The following CDC42BPA variants were observed in gnomAD, a reference collection of about 807,000 sequenced individuals.
CDC42BPA encodes CDC42 binding protein kinase alpha, also known as serine/threonine-protein kinase MRCK alpha.
Under a neutral mutation model 223.5 loss-of-function variants are expected in CDC42BPA, and 80 were observed. The observed-to-expected ratio is 0.36, with a 90% CI of 0.30 to 0.43. The LOEUF (loss-of-function observed/expected upper bound fraction) is 0.43, where lower values mean the gene tolerates loss of function less well. Among genes scored for constraint, CDC42BPA ranks in the 20% least tolerant of loss-of-function variants. The pLI is 1.00. For synonymous variants in CDC42BPA, 694 were observed against 718.6 expected, an observed-to-expected ratio of 0.97 and a Z score of 0.55; for missense variants, 1,743 against 2,099.9, an observed-to-expected ratio of 0.83 and a Z score of 3.32.
At chr1:227,127,942 T>C (rs1036250935) in intron 11 of CDC42BPA, among the ~76,000 whole-genome samples, 2 of 152,176 alleles carry the variant, frequency 1.3e-5, no homozygotes, top group Non-Finnish European at 2.9e-5. Flanking sequence ...GTTAAAATAG[T>C]ACCTTCTGCT....
chr1:227,313,808 A>G (rs963748283), intron 1 of CDC42BPA, among the ~76,000 whole-genome samples: 2 of 152,090 alleles, frequency 1.3e-5, no homozygotes, highest in Non-Finnish European at 2.9e-5. Context: ...AAAAGCTTAA[A>G]GCATAGTACC....
Position 227,030,436 on chromosome 1 carries a change from C to A in CDC42BPA, c.3810G>T (p.Gly1270=), listed in dbSNP as rs773224677. The part of the protein sequence containing the change: ...HERIALGNEE[G]LFVVHVTKDE... ...CTTTGGTGACATGTACAACAAATAA[C>A]CCTTCTTCGTTTCCCAAAGCAATTC... The change falls in exon 29 of 37, where the codon GGG becomes GGT. Residue 1270 remains glycine, a synonymous_variant. Coordinates refer to ENST00000366766, the MANE Select transcript of CDC42BPA (RefSeq NM_001394014.1). 7.5e-6 allele frequency: 12 copies of A among 1,599,388 alleles called. No individual in the cohort carries two copies. The Admixed American group carries it at 2.1e-4, about 28-fold the overall frequency.
chr1:227,198,929 T>C (rs1249537224), intron 4 of CDC42BPA, among the ~76,000 whole-genome samples: 4 of 152,112 alleles, frequency 2.6e-5, no homozygotes, highest in East Asian at 1.9e-4. Flanking sequence ...TTTGTATTTT[T>C]AGTAGAGACG....
intron 1 of CDC42BPA, among the ~76,000 whole-genome samples, chr1:227,282,844 T>A (rs986940893): frequency 6.6e-6 from 1 of 152,152 alleles, no homozygotes; most frequent in Admixed American, 6.5e-5. Context: ...GTATGGAAAG[T>A]GGGAGTAAAG....
chr1:227,196,629 G>A (rs558110588), intron 4 of CDC42BPA, among the ~76,000 whole-genome samples: 4 of 151,914 alleles, frequency 2.6e-5, no homozygotes, highest in South Asian at 2.1e-4. Flanking sequence ...ATGAGCCACC[G>A]TGCCCGGCCC....
At position 227,255,045 on chromosome 1, in the gene CDC42BPA, T is replaced by C. The variant is rs1271830638; in HGVS notation, c.179-890A>G. Among the ~76,000 whole-genome samples, 7 of 152,326 alleles carry C rather than the reference T, an allele frequency of 4.6e-5. No individual in the cohort carries two copies. The South Asian group carries it at 6.2e-4, about 14-fold the overall frequency. On this transcript the variant is annotated intron_variant, in intron 1 of 36. Coordinates refer to ENST00000366766, the MANE Select transcript of CDC42BPA (RefSeq NM_001394014.1). ...AAATGGAAAAGGCTTTGAATTTCATTAAAGGAATTTAGATGTAATCTTATT... is the reference window on the plus strand; with the variant it reads ...AAATGGAAAAGGCTTTGAATTTCATCAAAGGAATTTAGATGTAATCTTATT...
At position 227,289,152 on chromosome 1, in the gene CDC42BPA, A is replaced by T. The variant is rs149138173; in HGVS notation, c.178+27853T>A. 2.9e-3 allele frequency among the ~76,000 whole-genome samples: 439 copies of T among 152,294 alleles called. 1 individual carries two copies. The highest frequency in any genetic ancestry group is 0.01 in the African/African-American group (423 of 41,558). ...ACTGGCATGATTTTATTCACATGAC[A>T]ACCACAGTTACCCTTTTAAAGCATA... is the stretch of plus-strand genomic sequence containing the variant. On this transcript the variant is annotated intron_variant, in intron 1 of 36. Transcript: ENST00000366766.
intron 15 of CDC42BPA, among the ~76,000 whole-genome samples, chr1:227,092,537 T>A (rs1044230836): frequency 6.6e-6 from 1 of 152,204 alleles, no homozygotes; most frequent in Non-Finnish European, 1.5e-5. Context: ...TAGATACTTT[T>A]CTTTGTGTAT....
At chr1:227,035,871 G>A (rs1164244532) in intron 24 of CDC42BPA, among the ~76,000 whole-genome samples, 4 of 152,164 alleles carry the variant, frequency 2.6e-5, no homozygotes. Flanking sequence ...AACAGACGAA[G>A]CATCTAACCT....
intron 5 of CDC42BPA, among the ~76,000 whole-genome samples, chr1:227,174,170 G>T (rs1315322405): frequency 6.6e-6 from 1 of 152,022 alleles, no homozygotes; most frequent in Admixed American, 6.6e-5. Flanking sequence ...CTGGAACATA[G>T]CCCACTGTAA....
intron 2 of CDC42BPA, among the ~76,000 whole-genome samples, chr1:227,215,709 ACTCTAC>A (rs1674703323): frequency 1.3e-5 from 2 of 152,084 alleles, no homozygotes; most frequent in Admixed American, 6.5e-5. Flanking sequence ...TTCACTGCCA[ACTCTAC>A]CTCTAATATG....
intron 5 of CDC42BPA, among the ~76,000 whole-genome samples, chr1:227,176,462 G>C (rs572729854): frequency 5.5e-4 from 84 of 152,156 alleles, no homozygotes; most frequent in African/African-American, 1.9e-3. Context: ...CCACTAATTT[G>C]ATTACTGCAA....
chr1:227,109,545 T>C (rs1558516880), intron 14 of CDC42BPA, among the ~76,000 whole-genome samples: 2 of 152,048 alleles, frequency 1.3e-5, no homozygotes, highest in Non-Finnish European at 1.5e-5. Context: ...TTTGTATTTT[T>C]AGTAGAGACG....
chr1:226,992,217 G>C lies in CDC42BPA; in HGVS notation c.*2051C>G, dbSNP rs970574904. 6.6e-6 allele frequency: 1 copy of C among 152,198 alleles called. No homozygotes were observed. Among genetic ancestry groups the C allele is most frequent in the Non-Finnish European group, 1.5e-5 (1 of 68,034 alleles). 9.4% of individuals were successfully genotyped at this position (152,198 alleles called of 1,614,324 possible). A position where few individuals can be genotyped will look rare whatever the true frequency, so the allele number is the denominator to read the frequency against. ...GATCCAACTAAAGGGCCAACCCTTGGTATTCAGGTGAGAAAAGTATTTTTA... is the reference window on the plus strand; with the variant it reads ...GATCCAACTAAAGGGCCAACCCTTGCTATTCAGGTGAGAAAAGTATTTTTA... On this transcript the variant is annotated 3_prime_UTR_variant, in exon 37 of 37. Coordinates refer to ENST00000366766, the MANE Select transcript of CDC42BPA (RefSeq NM_001394014.1).
chr1:227,012,306 T>C (rs1459694747), intron 34 of CDC42BPA, among the ~76,000 whole-genome samples: 7 of 152,160 alleles, frequency 4.6e-5, no homozygotes, highest in Admixed American at 2.6e-4. Context: ...ATAGCAACCA[T>C]GTATTAAAAC....
intron 34 of CDC42BPA, among the ~76,000 whole-genome samples, chr1:227,006,081 T>C (rs1465378922): frequency 2.0e-5 from 3 of 152,244 alleles, no homozygotes; most frequent in Non-Finnish European, 4.4e-5. Context: ...ACATATACCA[T>C]GTTATTAACA....
intron 19 of CDC42BPA, among the ~76,000 whole-genome samples, chr1:227,072,644 T>A (rs1174204659): frequency 2.0e-5 from 3 of 151,976 alleles, no homozygotes; most frequent in Non-Finnish European, 2.9e-5. Flanking sequence ...ATTATTAAAT[T>A]TAAAAATGTT....
In CDC42BPA at chr1:227,298,669, C is replaced by T. The variant is rs74724529; in HGVS notation, c.178+18336G>A. ...CCATTTGAAGCTATATAACAAAAAG[C>T]TTGCTGCATTCTGGCAAATGAAAGC... On this transcript the variant is annotated intron_variant, in intron 1 of 36. Coordinates refer to ENST00000366766, the MANE Select transcript of CDC42BPA (RefSeq NM_001394014.1). Among the ~76,000 whole-genome samples, 1,485 of 152,262 alleles carry T rather than the reference C, an allele frequency of 9.8e-3. 16 individuals carry two copies. The highest frequency in any genetic ancestry group is 0.015 in the Non-Finnish European group (1,010 of 67,998).
chr1:227,163,703 C>CT (rs1664514074), intron 5 of CDC42BPA, among the ~76,000 whole-genome samples: 1 of 143,882 alleles, frequency 7.0e-6, no homozygotes, highest in African/African-American at 2.5e-5. Flanking sequence ...GCTTGTTTTT[C>CT]CATTGTTTTT....
Sources: allele counts gnomAD v4.1 joint callset (sites outside exome capture counted in the v4.1 genomes callset), GRCh38; gene constraint gnomAD v4.1.1; transcripts MANE v1.5; gene names NCBI Gene and HGNC (gene_info 2026-07-23, HGNC 2026-07-21).